PBRM1: variants seen among roughly 807,000 people sequenced by gnomAD.
PBRM1 encodes protein polybromo-1.
PBRM1 carries 27 observed loss-of-function variants against 194.5 expected under a neutral mutation model. That is an observed-to-expected ratio of 0.14 (90% confidence interval 0.10 to 0.19). The LOEUF is 0.19. PBRM1 is among the 10% of genes least tolerant of loss of function. PBRM1 has a pLI of 1.00. For synonymous variants in PBRM1, 655 were observed against 693.2 expected, an observed-to-expected ratio of 0.94 and a Z score of 0.87; for missense variants, 1,466 against 2,077.2, an observed-to-expected ratio of 0.71 and a Z score of 5.72.
Position 52,609,395 on chromosome 3 carries a change from C to T in PBRM1, c.2485G>A (p.Val829Ile). ...AGCCGACGGTAGCGATTATTTTCAA[C>T]ATTCTTCCTAATTATGTCAAATGTA... is the stretch of plus-strand genomic sequence containing the variant. Residue 829 changes from valine to isoleucine, a missense_variant, in exon 16 of 30, where the codon GTT (valine) becomes ATT (isoleucine). Val to Ile is a conservative substitution (Grantham distance 29, BLOSUM62 3). This residue lies in a region of PBRM1 where 687 missense variants were observed against 946.2 expected (regional missense o/e 0.73). Coordinates refer to ENST00000296302, the Ensembl canonical transcript of PBRM1. This position sits in a 1 kb window ranked among gnomAD's most constrained non-coding sequence, Gnocchi z 4.1. 1 of 1,613,832 alleles carries T rather than the reference C, an allele frequency of 6.2e-7. No homozygotes were observed. Among genetic ancestry groups the T allele is most frequent in the Non-Finnish European group, 8.5e-7 (1 of 1,179,722 alleles).
intron 22 of PBRM1, among the ~76,000 whole-genome samples, chr3:52,567,816 T>G (rs1182675261): frequency 1.4e-5 from 2 of 148,126 alleles, no homozygotes; most frequent in East Asian, 1.9e-4. Flanking sequence ...GTTTTTTTTT[T>G]TTTTTTTTTT....
exon 14 of PBRM1, chr3:52,617,338 G>A (rs2153486113): frequency 6.2e-7 from 1 of 1,613,630 alleles, no homozygotes; most frequent in Non-Finnish European, 8.5e-7. Context: ...CTCTTCACCA[G>A]CATATTTGTC....
intron 2 of PBRM1, among the ~76,000 whole-genome samples, chr3:52,669,591 A>C (rs2096907733): frequency 6.6e-6 from 1 of 152,192 alleles, no homozygotes; most frequent in Non-Finnish European, 1.5e-5. Context: ...GTAAGAGATA[A>C]GTTATTACAA....
chr3:52,615,016 A>G (rs2153468439), intron 15 of PBRM1, among the ~76,000 whole-genome samples: 1 of 152,344 alleles, frequency 6.6e-6, no homozygotes, highest in East Asian at 1.9e-4. Flanking sequence ...AGTAATTGTC[A>G]GACATACATA....
At chr3:52,663,044 GTA>G (rs377656841) in intron 3 of PBRM1, among the ~76,000 whole-genome samples, 4 of 152,092 alleles carry the variant, frequency 2.6e-5, no homozygotes, top group African/African-American at 9.6e-5. Context: ...AAATCTTCTA[GTA>G]AAAACAACGT....
chr3:52,556,522 A>G (rs2082258823), intron 26 of PBRM1, among the ~76,000 whole-genome samples: 1 of 152,244 alleles, frequency 6.6e-6, no homozygotes, highest in Non-Finnish European at 1.5e-5. Context: ...ATCTGAACGC[A>G]GCCTTCATGG....
chr3:52,625,053 C>G, intron 13 of PBRM1, 112 bp from the exon 15 acceptor site: 1 of 743,772 alleles, frequency 1.3e-6, no homozygotes, highest in South Asian at 1.6e-5. Context: ...GTCCAAAGTA[C>G]CAAAGACAAT....
At chr3:52,668,603 G>C in exon 3 of PBRM1, 1 of 1,603,290 alleles carries the variant, frequency 6.2e-7, no homozygotes. Flanking sequence ...TTTTCATCAA[G>C]TCAATGGGCT....
At chr3:52,566,977 G>A (rs2085419759) in intron 22 of PBRM1, among the ~76,000 whole-genome samples, 2 of 151,346 alleles carry the variant, frequency 1.3e-5, no homozygotes, top group South Asian at 4.2e-4. Context: ...GCTGAGGCAG[G>A]AGAATTGCTT....
intron 7 of PBRM1, among the ~76,000 whole-genome samples, chr3:52,647,832 G>T (rs934993981): frequency 6.6e-6 from 1 of 152,092 alleles, no homozygotes; most frequent in African/African-American, 2.4e-5. Flanking sequence ...AGAGAAGTTG[G>T]GGGGACATAA....
At chr3:52,667,228 A>G (rs1278887867) in intron 3 of PBRM1, among the ~76,000 whole-genome samples, 2 of 152,212 alleles carry the variant, frequency 1.3e-5, no homozygotes, top group Admixed American at 6.5e-5. Context: ...TAATAGAAGA[A>G]TATCTTGGGC....
intron 13 of PBRM1, among the ~76,000 whole-genome samples, chr3:52,623,199 G>A (rs2095337830): frequency 6.6e-6 from 1 of 152,164 alleles, no homozygotes. Flanking sequence ...GAGGTGGGAG[G>A]ATCACATGAG....
intron 13 of PBRM1, among the ~76,000 whole-genome samples, chr3:52,619,653 T>C (rs1036013127): frequency 1.3e-5 from 2 of 152,202 alleles, no homozygotes; most frequent in African/African-American, 4.8e-5. Context: ...TATGTGGCTG[T>C]ATAGGTCTTC....
chr3:52,584,965 T>TA (rs1241680225), intron 20 of PBRM1, among the ~76,000 whole-genome samples: 2 of 152,106 alleles, frequency 1.3e-5, no homozygotes, highest in Non-Finnish European at 2.9e-5. Flanking sequence ...TTGAAAGTCT[T>TA]AAAAAAAATC....
intron 2 of PBRM1, among the ~76,000 whole-genome samples, chr3:52,672,614 C>A (rs1460960437): frequency 6.6e-6 from 1 of 151,576 alleles, no homozygotes; most frequent in Non-Finnish European, 1.5e-5. Context: ...CCTGCCTCAG[C>A]CTCCCGAGTA....
intron 3 of PBRM1, among the ~76,000 whole-genome samples, chr3:52,664,517 C>T (rs1172445663): frequency 1.3e-5 from 2 of 151,580 alleles, no homozygotes; most frequent in African/African-American, 4.8e-5. Flanking sequence ...GAGTGGATCA[C>T]CTGAGGTCGG....
intron 2 of PBRM1, among the ~76,000 whole-genome samples, chr3:52,672,491 CTTTTTT>C (rs34792299): frequency 9.6e-6 from 1 of 103,860 alleles, no homozygotes; most frequent in East Asian, 3.0e-4. Context: ...TTTTTTTTGG[CTTTTTT>C]TTTTTTTTTT....
chr3:52,660,122 G>A (rs1017835571), intron 4 of PBRM1, among the ~76,000 whole-genome samples: 2 of 152,076 alleles, frequency 1.3e-5, no homozygotes, highest in African/African-American at 4.8e-5. Context: ...GGCTTGGGAG[G>A]TATAAATGTG....
chr3:52,672,820 T>C (rs914057739), intron 2 of PBRM1, among the ~76,000 whole-genome samples: 26 of 149,780 alleles, frequency 1.7e-4, no homozygotes, highest in African/African-American at 6.1e-4. Context: ...AAGAGAATAG[T>C]GATTATATTT....
Sources: gnomAD v4.1 joint callset for allele counts (sites outside exome capture counted in the v4.1 genomes callset) on GRCh38, gnomAD v4.1.1 for gene constraint, gnomAD v4.1.1 regional missense constraint, Gnocchi (gnomAD v3.1) non-coding constraint, MANE v1.5 for transcripts, NCBI Gene and HGNC (gene_info 2026-07-23, HGNC 2026-07-21) for gene names.